JADE1: variants seen among roughly 807,000 people sequenced by gnomAD.
The protein encoded by JADE1 is jade family PHD finger 1, also known as protein Jade-1.
In JADE1, 14 loss-of-function variants were observed where a neutral mutation model predicts 81.8. The ratio of observed to expected loss-of-function variants is 0.17; its 90% confidence interval spans 0.11 to 0.27. JADE1 has a LOEUF of 0.27. JADE1 is among the 10% of genes least tolerant of loss of function. The pLI, the probability that JADE1 is intolerant of heterozygous loss-of-function variation, is 1.00. For missense variants in JADE1, 690 were observed against 1,047.9 expected, an observed-to-expected ratio of 0.66 and a Z score of 4.71; for synonymous variants, 353 against 391.9, an observed-to-expected ratio of 0.90 and a Z score of 1.17.
chr4:128,856,320 A>G (rs75938349), intron 7 of JADE1, among the ~76,000 whole-genome samples: 1,949 of 152,310 alleles, frequency 0.013, 51 homozygotes, highest in African/African-American at 0.045. Context: ...ATTCATGGAA[A>G]TGTTAGCTGG....
chr4:128,835,595 G>T (rs1415998494), intron 2 of JADE1, among the ~76,000 whole-genome samples: 1 of 152,176 alleles, frequency 6.6e-6, no homozygotes, highest in Non-Finnish European at 1.5e-5. Context: ...CTTCAGCCGG[G>T]CCTGTGCATT....
chr4:128,855,254 C>G (rs1579207771), intron 6 of JADE1, among the ~76,000 whole-genome samples: 1 of 152,226 alleles, frequency 6.6e-6, no homozygotes, highest in Admixed American at 6.5e-5. Flanking sequence ...GTTTCGAGGA[C>G]TTACTGAGGA....
chr4:128,855,540 T>C (rs1730721403), intron 6 of JADE1, 90 bp from the exon 7 acceptor site: 7 of 1,304,256 alleles, frequency 5.4e-6, no homozygotes, highest in Non-Finnish European at 7.2e-6. Context: ...TGTTAAAATC[T>C]TTCTAAGTGT....
intron 2 of JADE1, among the ~76,000 whole-genome samples, chr4:128,838,356 T>C (rs1379065038): frequency 6.6e-6 from 1 of 152,252 alleles, no homozygotes; most frequent in Admixed American, 6.5e-5. Context: ...GAACTTAACT[T>C]TAGGTAATAA....
chr4:128,838,254 T>C (rs945989305), intron 2 of JADE1, among the ~76,000 whole-genome samples: 2 of 152,244 alleles, frequency 1.3e-5, no homozygotes, highest in Non-Finnish European at 2.9e-5. Context: ...CCACTCAGTC[T>C]TTCCCATGTT....
At chr4:128,822,675 C>T (rs1727694933) in intron 1 of JADE1, among the ~76,000 whole-genome samples, 2 of 151,814 alleles carry the variant, frequency 1.3e-5, no homozygotes, top group Non-Finnish European at 2.9e-5. Context: ...GCCGAGATCA[C>T]ACCATTGCAC....
At chr4:128,814,567 CTTTT>C (rs376501164) in intron 1 of JADE1, among the ~76,000 whole-genome samples, 1 of 135,208 alleles carries the variant, frequency 7.4e-6, no homozygotes. Flanking sequence ...AGGATTTTTT[CTTTT>C]TTTTTTTTTT....
chr4:128,859,809 C>T (rs376571746), intron 8 of JADE1, among the ~76,000 whole-genome samples: 2 of 152,160 alleles, frequency 1.3e-5, no homozygotes, highest in Non-Finnish European at 2.9e-5. Context: ...CCATTGACCT[C>T]TTTTTCCCAG....
At chr4:128,822,925 T>C (rs1270559675) in intron 1 of JADE1, among the ~76,000 whole-genome samples, 1 of 152,158 alleles carries the variant, frequency 6.6e-6, no homozygotes, top group African/African-American at 2.4e-5. Context: ...GCTCTTATAT[T>C]TTGGGTTTTT....
intron 8 of JADE1, among the ~76,000 whole-genome samples, chr4:128,860,573 C>G (rs1560773126): frequency 6.6e-6 from 1 of 152,188 alleles, no homozygotes; most frequent in East Asian, 1.9e-4. Flanking sequence ...CCCCGGTGAT[C>G]ACTTGGCTTC....
At chr4:128,830,807 A>G (rs1728487475) in intron 1 of JADE1, among the ~76,000 whole-genome samples, 1 of 152,188 alleles carries the variant, frequency 6.6e-6, no homozygotes. Context: ...GACCATCTGT[A>G]TAAGTTCATT....
At position 128,846,790 on chromosome 4, in the gene JADE1, G is replaced by A. The variant is rs1729907550; in HGVS notation, c.296+258G>A. 6.6e-6 allele frequency among the ~76,000 whole-genome samples: 1 copy of A among 152,214 alleles called. No individual in the cohort carries two copies. The highest frequency in any genetic ancestry group is 2.1e-4 in the South Asian group (1 of 4,832). On this transcript the variant is annotated intron_variant, in intron 4 of 10. Transcript: ENST00000226319. This position sits in a 1 kb window ranked among gnomAD's most constrained non-coding sequence, Gnocchi z 4.0. The stretch of plus-strand genomic sequence containing the variant: ...GGGGAGGTGCTGCTTTCTTATGAGA[G>A]GAAGGCAAATTCCAAGACATCCTGG...
intron 2 of JADE1, among the ~76,000 whole-genome samples, chr4:128,834,530 C>CTTTTTTTT (rs202245727): frequency 1.0e-5 from 1 of 99,180 alleles, no homozygotes; most frequent in African/African-American, 3.6e-5. Context: ...CCAAATATTT[C>CTTTTTTTT]TTTTTTTTTT....
chr4:128,860,294 T>C (rs560113665), intron 8 of JADE1, among the ~76,000 whole-genome samples: 1 of 152,280 alleles, frequency 6.6e-6, no homozygotes, highest in South Asian at 2.1e-4. Flanking sequence ...TTTATGTCAG[T>C]CTCTGTGGTT....
chr4:128,836,740 T>G (rs1473145220), intron 2 of JADE1, among the ~76,000 whole-genome samples: 1 of 144,186 alleles, frequency 6.9e-6, no homozygotes, highest in South Asian at 2.1e-4. Flanking sequence ...CAGCACTGTT[T>G]TTTTTTTTTT....
At position 128,825,230 on chromosome 4, in the gene JADE1, G is replaced by A. The variant is rs555794356; in HGVS notation, c.-26-6503G>A. Among the ~76,000 whole-genome samples the A allele has an allele frequency of 4.5e-4, 69 of 152,112 alleles. 1 individual carries two copies. The highest frequency in any genetic ancestry group is 4.1e-4 in the South Asian group (2 of 4,830). ...AACTTTTTGTGTTTTTAGTAGAGAC[G>A]GGGTTTCGCCATGTTGCTAGGCTGG... On this transcript the variant is annotated intron_variant, in intron 1 of 10. Transcript: ENST00000226319.
intron 9 of JADE1, chr4:128,862,479 G>A: frequency 7.4e-7 from 1 of 1,356,234 alleles, no homozygotes; most frequent in South Asian, 1.8e-5. Context: ...AATCTTTACT[G>A]TTTTGTAAGA....
In JADE1 at chr4:128,872,962, C is replaced by A; in HGVS notation, c.*700C>A. ...CTGTGAGTGGGTTGTGGATATGGGACTGGTGGAGAGTGAGACTGTTAGGAA... is the reference window on the plus strand; with the variant it reads ...CTGTGAGTGGGTTGTGGATATGGGAATGGTGGAGAGTGAGACTGTTAGGAA... On this transcript the variant is annotated 3_prime_UTR_variant, in exon 11 of 11. Coordinates refer to ENST00000226319, the MANE Select transcript of JADE1 (RefSeq NM_199320.4). 2.2e-6 allele frequency: 1 copy of A among 454,580 alleles called. No individual in the cohort carries two copies. Among genetic ancestry groups the A allele is most frequent in the Non-Finnish European group, 4.4e-6 (1 of 225,620 alleles). The allele number at this position is 454,580 out of a possible 1,614,324, so 28.2% of individuals were successfully genotyped here. A position where few individuals can be genotyped will look rare whatever the true frequency, so the allele number is the denominator to read the frequency against.
At chr4:128,835,504 G>A (rs955524413) in intron 2 of JADE1, among the ~76,000 whole-genome samples, 1 of 152,122 alleles carries the variant, frequency 6.6e-6, no homozygotes, top group African/African-American at 2.4e-5. Flanking sequence ...GGTGGCCTGC[G>A]TCATGGGGTG....
Sources: allele counts gnomAD v4.1 joint callset (sites outside exome capture counted in the v4.1 genomes callset), GRCh38; gene constraint gnomAD v4.1.1; non-coding constraint Gnocchi (gnomAD v3.1); transcripts MANE v1.5; gene names NCBI Gene and HGNC (gene_info 2026-07-23, HGNC 2026-07-21).